The following AGAP1 variants were observed in gnomAD, a reference collection of about 807,000 sequenced individuals.
AGAP1 encodes the protein arf-GAP with GTPase, ANK repeat and PH domain-containing protein 1.
AGAP1 carries 29 observed loss-of-function variants against 105.3 expected under a neutral mutation model. The ratio of observed to expected loss-of-function variants is 0.28; its 90% CI spans 0.21 to 0.38. AGAP1 has a LOEUF of 0.38. Among genes scored for constraint, AGAP1 ranks in the 10% least tolerant of loss-of-function variants. AGAP1 has a pLI of 1.00. For missense variants in AGAP1, 998 were observed against 1,165.1 expected (o/e 0.86, Z 2.09); for synonymous variants, 509 against 485.9 (o/e 1.05, Z -0.63).
Position 235,723,598 on chromosome 2 carries a change from C to G in AGAP1, c.310+5954C>G, listed in dbSNP as rs551878191. Among the ~76,000 whole-genome samples the G allele has an allele frequency of 2.0e-5, 3 of 152,284 alleles. No individual in the cohort carries two copies. Among genetic ancestry groups the G allele is most frequent in the African/African-American group, 7.2e-5 (3 of 41,558 alleles). ...ACAGGCACCCTGGGCCATGGGCCCT[C>G]CCGAGCTGTGCAGGTTAGCTTGTGT... On this transcript the variant is annotated intron_variant, in intron 3 of 17. Coordinates refer to ENST00000304032, the MANE Select transcript of AGAP1 (RefSeq NM_001037131.3). This position sits in a 1 kb window ranked among gnomAD's most constrained non-coding sequence, Gnocchi z 6.2.
At position 235,893,052 on chromosome 2, in the gene AGAP1, T is replaced by C. The variant is rs942483950; in HGVS notation, c.1155+9603T>C. Among the ~76,000 whole-genome samples the C allele has an allele frequency of 6.6e-6, 1 of 152,226 alleles. No homozygotes were observed. The highest frequency in any genetic ancestry group is 2.4e-5 in the African/African-American group (1 of 41,472). Reference sequence around the variant, plus strand: ...TTGCTTTCTTGGTCATAAGCTAAGGTGCTTGGAGCTGTCCTTTGGCCTTTC... The same window carrying C: ...TTGCTTTCTTGGTCATAAGCTAAGGCGCTTGGAGCTGTCCTTTGGCCTTTC... On this transcript the variant is annotated intron_variant, in intron 10 of 17. Coordinates refer to ENST00000304032, the MANE Select transcript of AGAP1 (RefSeq NM_001037131.3). The surrounding 1 kb of genome is among the most constrained non-coding windows in gnomAD (Gnocchi z 4.7).
At chr2:235,558,063 G>A (rs531019168) in intron 1 of AGAP1, among the ~76,000 whole-genome samples, 3 of 152,154 alleles carry the variant, frequency 2.0e-5, no homozygotes, top group African/African-American at 4.8e-5. Context: ...TACCAGGCAC[G>A]GGCTGTGGAG....
At chr2:235,764,658 AGCGCCCGTGGGGTGGGG>A (rs1954765010) in intron 6 of AGAP1, among the ~76,000 whole-genome samples, 1 of 144,548 alleles carries the variant, frequency 6.9e-6, no homozygotes, top group East Asian at 2.1e-4. Context: ...GGCACCTGGG[AGCGCCCGTGGGGTGGGG>A]GCATCTGGGA....
In AGAP1 at chr2:236,087,124, CAG is replaced by C. The variant is rs1346618635; in HGVS notation, c.2115-33065_2115-33064del. Among the ~76,000 whole-genome samples, 3 of 152,160 alleles carry C rather than the reference CAG, an allele frequency of 2.0e-5. No individual in the cohort carries two copies. Among genetic ancestry groups the C allele is most frequent in the Non-Finnish European group, 4.4e-5 (3 of 68,042 alleles). ...CTCCCTCTGAATAGCTCCCTAAAAA[CAG>C]AGCTGAAAAGGAAGAAGGCCCATTT... is the stretch of plus-strand genomic sequence containing the variant. On this transcript the variant is annotated intron_variant, in intron 16 of 17. Coordinates refer to ENST00000304032, the MANE Select transcript of AGAP1 (RefSeq NM_001037131.3). The surrounding 1 kb of genome is among the most constrained non-coding windows in gnomAD (Gnocchi z 5.7).
chr2:235,568,946 G>A (rs1216177203), intron 1 of AGAP1, among the ~76,000 whole-genome samples: 1 of 152,084 alleles, frequency 6.6e-6, no homozygotes, highest in Non-Finnish European at 1.5e-5. Context: ...TGATTACATT[G>A]AACCCACCTG....
rs1017197120 is a variant in AGAP1 at position 235,741,957 on chromosome 2, G to T, written c.396+909G>T. Among the ~76,000 whole-genome samples the T allele has an allele frequency of 1.7e-4, 26 of 152,058 alleles. No homozygotes were observed. Among genetic ancestry groups the T allele is most frequent in the African/African-American group, 6.3e-4 (26 of 41,498 alleles). Reference sequence around the variant, plus strand: ...TTTAGTAGAGATGGAGTTTCACCATGTTAGCCAGGATGGTCTCGATCTCCT... The same window carrying T: ...TTTAGTAGAGATGGAGTTTCACCATTTTAGCCAGGATGGTCTCGATCTCCT... On this transcript the variant is annotated intron_variant, in intron 4 of 17. Transcript: ENST00000304032. The surrounding 1 kb of genome is among the most constrained non-coding windows in gnomAD (Gnocchi z 4.9).
intron 9 of AGAP1, among the ~76,000 whole-genome samples, chr2:235,812,085 G>A (rs533819867): frequency 2.0e-5 from 3 of 152,300 alleles, no homozygotes; most frequent in African/African-American, 4.8e-5. Flanking sequence ...GCTGCAGGGC[G>A]CTGCGGGGGA....
In AGAP1 at chr2:235,931,623, C is replaced by T. The variant is rs961357675; in HGVS notation, c.1483+700C>T. ...TGTTCACCGGTATTTAAAGGAATTC[C>T]CACTGTTGTATGTAATCTATCAGAC... On this transcript the variant is annotated intron_variant, in intron 12 of 17. Transcript: ENST00000304032. The surrounding 1 kb of genome is among the most constrained non-coding windows in gnomAD (Gnocchi z 5.6). 6.6e-6 allele frequency among the ~76,000 whole-genome samples: 1 copy of T among 151,926 alleles called. No homozygotes were observed. Among genetic ancestry groups the T allele is most frequent in the Admixed American group, 6.6e-5 (1 of 15,244 alleles).
intron 1 of AGAP1, among the ~76,000 whole-genome samples, chr2:235,589,801 T>C (rs1352776096): frequency 6.6e-6 from 1 of 151,766 alleles, no homozygotes; most frequent in East Asian, 1.9e-4. Flanking sequence ...TGAGTTGGGG[T>C]AGCCAGAATT....
intron 1 of AGAP1, among the ~76,000 whole-genome samples, chr2:235,588,511 C>T (rs1280161998): frequency 6.6e-6 from 1 of 152,128 alleles, no homozygotes; most frequent in African/African-American, 2.4e-5. Context: ...TATCTGGCCT[C>T]TCACACTTAA....
rs1449846314 is a variant in AGAP1, at chr2:235,721,475, T to TTG, written c.310+3832_310+3833insGT. The stretch of plus-strand genomic sequence containing the variant: ...TCTTGGATTGACAGATTCCTTAATA[T>TTG]TATGTGTGTGTGTGTGTGTGTGTGT... On this transcript the variant is annotated intron_variant, in intron 3 of 17. Transcript: ENST00000304032. The surrounding 1 kb of genome is among the most constrained non-coding windows in gnomAD (Gnocchi z 4.5). Among the ~76,000 whole-genome samples, 2 of 108,210 alleles carry TTG rather than the reference T, an allele frequency of 1.8e-5. No homozygotes were observed. Among genetic ancestry groups the TTG allele is most frequent in the Admixed American group, 1.0e-4 (1 of 9,702 alleles). 71.0% of individuals were successfully genotyped at this position (108,210 alleles called of 152,430 possible).
In AGAP1 at chr2:235,715,935, G is replaced by C. The variant is rs1406594021; in HGVS notation, c.223-1622G>C. On this transcript the variant is annotated intron_variant, in intron 2 of 17. Coordinates refer to ENST00000304032, the MANE Select transcript of AGAP1 (RefSeq NM_001037131.3). ...AGACTGGGAGAGAGAGGCAAGGTGT[G>C]GACCCATCGAGGCGTGAATACCGCA... Among the ~76,000 whole-genome samples, 3 of 152,154 alleles carry C rather than the reference G, an allele frequency of 2.0e-5. No homozygotes were observed. In the East Asian group the frequency reaches 5.8e-4, roughly 29 times the overall value.
chr2:236,032,650 G>A (rs1438673894), intron 13 of AGAP1, among the ~76,000 whole-genome samples: 1 of 152,166 alleles, frequency 6.6e-6, no homozygotes, highest in African/African-American at 2.4e-5. Flanking sequence ...TTTGCAGATT[G>A]TGTGAGTGAA....
chr2:235,961,638 G>A lies in AGAP1; in HGVS notation c.1484-6824G>A, dbSNP rs934223068. ...AATGTGAGATGACAGGGCCGGGCGT[G>A]GTGGCTCATGCCTATAATCCCAGCA... On this transcript the variant is annotated intron_variant, in intron 12 of 17. Transcript: ENST00000304032. This position sits in a 1 kb window ranked among gnomAD's most constrained non-coding sequence, Gnocchi z 5.9. Among the ~76,000 whole-genome samples the A allele has an allele frequency of 1.3e-5, 2 of 152,194 alleles. No individual in the cohort carries two copies. The highest frequency in any genetic ancestry group is 2.9e-5 in the Non-Finnish European group (2 of 68,042).
At chr2:235,972,447 T>C (rs1464970705) in intron 13 of AGAP1, among the ~76,000 whole-genome samples, 2 of 152,186 alleles carry the variant, frequency 1.3e-5, no homozygotes, top group Non-Finnish European at 2.9e-5. Flanking sequence ...CCGAGGAGTC[T>C]TCCTGGGCCT....
chr2:235,928,362 C>T (rs1334024264), intron 11 of AGAP1, among the ~76,000 whole-genome samples: 2 of 152,170 alleles, frequency 1.3e-5, no homozygotes, highest in African/African-American at 4.8e-5. Context: ...ACAGTGCAGG[C>T]ACCAGGGCTG....
intron 1 of AGAP1, among the ~76,000 whole-genome samples, chr2:235,531,330 C>T (rs370173422): frequency 1.6e-3 from 240 of 152,312 alleles, no homozygotes; most frequent in African/African-American, 5.7e-3. Context: ...CTTCCTATGG[C>T]TTTTCTAGCT....
At chr2:235,833,372 G>A (rs560609341) in intron 9 of AGAP1, among the ~76,000 whole-genome samples, 2 of 152,276 alleles carry the variant, frequency 1.3e-5, no homozygotes, top group African/African-American at 2.4e-5. Flanking sequence ...ATTAGAAGAT[G>A]TACATGGACA....
chr2:235,590,515 C>T (rs1945289914), intron 1 of AGAP1, among the ~76,000 whole-genome samples: 3 of 152,012 alleles, frequency 2.0e-5, no homozygotes, highest in Admixed American at 2.0e-4. Context: ...TGACCATGCC[C>T]AGAGACAGGG....
Sources: gnomAD v4.1 joint callset for allele counts (sites outside exome capture counted in the v4.1 genomes callset) on GRCh38, gnomAD v4.1.1 for gene constraint, Gnocchi (gnomAD v3.1) non-coding constraint, MANE v1.5 for transcripts, NCBI Gene and HGNC (gene_info 2026-07-23, HGNC 2026-07-21) for gene names.